Variants in ROCK1 observed in about 807,000 individuals in gnomAD.
ROCK1 encodes rho-associated protein kinase 1.
Under a neutral mutation model 196.8 loss-of-function variants are expected in ROCK1, and 36 were observed. The ratio of observed to expected loss-of-function variants is 0.18; its 90% CI spans 0.14 to 0.24. The LOEUF is 0.24. Ranked by LOEUF, ROCK1 falls within the 10% of genes least tolerant of loss-of-function variation. ROCK1 has a pLI of 1.00. For synonymous variants in ROCK1, 443 were observed against 515.9 expected (o/e 0.86, Z 1.91); for missense variants, 920 against 1,562.0 (o/e 0.59, Z 6.93).
chr18:21,089,997 G>GAAAC (rs1488820750), intron 1 of ROCK1, among the ~76,000 whole-genome samples: 2 of 152,208 alleles, frequency 1.3e-5, no homozygotes, highest in African/African-American at 2.4e-5. Flanking sequence ...GTTTCTTAAA[G>GAAAC]ATTAGTGGCA....
At chr18:21,086,890 T>A (rs1271416455) in intron 1 of ROCK1, among the ~76,000 whole-genome samples, 3 of 152,114 alleles carry the variant, frequency 2.0e-5, no homozygotes, top group African/African-American at 7.2e-5. Context: ...ATAAATCTGG[T>A]ATATCATATA....
intron 16 of ROCK1, among the ~76,000 whole-genome samples, chr18:21,006,000 T>C (rs936866225): frequency 6.6e-6 from 1 of 152,208 alleles, no homozygotes; most frequent in Non-Finnish European, 1.5e-5. Context: ...AGATGGTAAA[T>C]TTTATGTTAT....
At position 21,057,758 on chromosome 18, in the gene ROCK1, T is replaced by C. The variant is rs571141609; in HGVS notation, c.176-7878A>G. On this transcript the variant is annotated intron_variant, in intron 2 of 32. Transcript: ENST00000399799. ...ATCACTTGAACTCAAGAGGTGGAGGTTGCAGTAAGCCGAGTTTGGGCCACT... is the reference window on the plus strand; with the variant it reads ...ATCACTTGAACTCAAGAGGTGGAGGCTGCAGTAAGCCGAGTTTGGGCCACT... Among the ~76,000 whole-genome samples the C allele has an allele frequency of 7.2e-5, 11 of 152,164 alleles. No homozygotes were observed. The South Asian group carries it at 2.1e-3, about 29-fold the overall frequency.
intron 9 of ROCK1, among the ~76,000 whole-genome samples, chr18:21,036,577 T>C (rs1439117843): frequency 1.3e-5 from 2 of 152,096 alleles, no homozygotes; most frequent in Non-Finnish European, 2.9e-5. Flanking sequence ...CCCAAGTAGT[T>C]GAAACATAGG....
intron 1 of ROCK1, among the ~76,000 whole-genome samples, chr18:21,095,050 CAA>C (rs777577556): frequency 2.6e-4 from 14 of 53,782 alleles, no homozygotes; most frequent in African/African-American, 2.8e-4. Flanking sequence ...AACTCTGTCT[CAA>C]AAAAAAAAAA....
intron 1 of ROCK1, among the ~76,000 whole-genome samples, chr18:21,090,137 G>C (rs565676412): frequency 1.3e-5 from 2 of 152,298 alleles, no homozygotes; most frequent in Admixed American, 6.5e-5. Context: ...ATCATGCATT[G>C]ATTGGTCACT....
chr18:21,088,127 C>CACA (rs2036541955), intron 1 of ROCK1, among the ~76,000 whole-genome samples: 1 of 152,144 alleles, frequency 6.6e-6, no homozygotes, highest in African/African-American at 2.4e-5. Flanking sequence ...AAAATGAGAA[C>CACA]ACAACACTGG....
chr18:20,967,962 A>G, intron 25 of ROCK1, 22 bp from the exon 26 acceptor site: 1 of 1,451,924 alleles, frequency 6.9e-7, no homozygotes, highest in Non-Finnish European at 9.3e-7. Context: ...TTATTAATAA[A>G]GATCAATAGT....
intron 18 of ROCK1, 105 bp downstream of exon 18, chr18:20,991,071 T>C (rs1419880977): frequency 2.3e-6 from 2 of 882,974 alleles, no homozygotes; most frequent in Admixed American, 2.4e-5. Context: ...ATAATTTATA[T>C]TATACTTTCT....
intron 5 of ROCK1, among the ~76,000 whole-genome samples, chr18:21,044,696 C>T (rs1202270770): frequency 6.6e-6 from 1 of 152,116 alleles, no homozygotes; most frequent in Non-Finnish European, 1.5e-5. Context: ...AAATTAACAT[C>T]AAAGTGTTTA....
chr18:20,963,921 G>T (rs1250648795), intron 27 of ROCK1, among the ~76,000 whole-genome samples: 2 of 152,072 alleles, frequency 1.3e-5, no homozygotes, highest in African/African-American at 4.8e-5. Context: ...GTCAGAGAAG[G>T]AGTAACATTT....
chr18:21,000,612 T>C (rs146521735), intron 16 of ROCK1, among the ~76,000 whole-genome samples: 3 of 152,312 alleles, frequency 2.0e-5, no homozygotes, highest in South Asian at 2.1e-4. Context: ...CAGGAAAGAA[T>C]AGTCTCTTCA....
intron 1 of ROCK1, among the ~76,000 whole-genome samples, chr18:21,106,816 T>G (rs555012818): frequency 6.6e-6 from 1 of 152,320 alleles, no homozygotes; most frequent in East Asian, 1.9e-4. Flanking sequence ...ATATGAAGAT[T>G]GAACTTACTT....
At chr18:20,996,325 G>C (rs2035669966) in intron 16 of ROCK1, among the ~76,000 whole-genome samples, 1 of 152,124 alleles carries the variant, frequency 6.6e-6, no homozygotes, top group African/African-American at 2.4e-5. Context: ...TCAAGCAAAA[G>C]AAAGTATTAG....
At chr18:20,956,896 G>A (rs1330413346) in intron 29 of ROCK1, among the ~76,000 whole-genome samples, 1 of 152,090 alleles carries the variant, frequency 6.6e-6, no homozygotes, top group African/African-American at 2.4e-5. Flanking sequence ...ATATACAATG[G>A]CTAATAACGA....
intron 27 of ROCK1, among the ~76,000 whole-genome samples, chr18:20,961,288 G>A (rs147500280): frequency 4.1e-4 from 63 of 152,070 alleles, no homozygotes; most frequent in African/African-American, 1.4e-3. Flanking sequence ...TATATTGTCC[G>A]CCTTCATATA....
chr18:21,051,104 T>C (rs2036200339), intron 2 of ROCK1, among the ~76,000 whole-genome samples: 2 of 152,050 alleles, frequency 1.3e-5, no homozygotes, highest in Admixed American at 6.6e-5. Context: ...TGATGGTACC[T>C]GAAAAAAGTC....
intron 1 of ROCK1, among the ~76,000 whole-genome samples, chr18:21,079,199 T>C (rs1341465854): frequency 3.9e-5 from 6 of 152,314 alleles, no homozygotes; most frequent in Admixed American, 3.3e-4. Flanking sequence ...GTTAGGGTTA[T>C]TTACCGGAAC....
At chr18:21,077,317 T>C (rs1175073534) in intron 1 of ROCK1, among the ~76,000 whole-genome samples, 3 of 152,166 alleles carry the variant, frequency 2.0e-5, no homozygotes, top group Non-Finnish European at 2.9e-5. Flanking sequence ...TGGTTCCTCC[T>C]CTTCCTACTC....
Sources: allele counts gnomAD v4.1 joint callset (sites outside exome capture counted in the v4.1 genomes callset), GRCh38; gene constraint gnomAD v4.1.1; transcripts MANE v1.5; gene names NCBI Gene and HGNC (gene_info 2026-07-23, HGNC 2026-07-21).